The following IMMP2L variants were observed in gnomAD, a reference collection of about 807,000 sequenced individuals.
The protein encoded by IMMP2L is mitochondrial inner membrane protease subunit 2.
Under a neutral mutation model 19.3 loss-of-function variants are expected in IMMP2L, and 18 were observed. The observed-to-expected ratio is 0.93, with a 90% CI of 0.64 to 1.38. IMMP2L has a LOEUF of 1.38. Ranked by LOEUF, IMMP2L falls within the 40% of genes most tolerant of loss-of-function variation. The pLI, the probability that IMMP2L is intolerant of heterozygous loss-of-function variation, is 0.00. For missense variants in IMMP2L, 233 were observed against 218.2 expected (o/e 1.07, Z -0.43); for synonymous variants, 76 against 73.0 (o/e 1.04, Z -0.21).
At chr7:111,069,368 A>G (rs1320562247) in intron 3 of IMMP2L, among the ~76,000 whole-genome samples, 2 of 152,196 alleles carry the variant, frequency 1.3e-5, no homozygotes, top group Admixed American at 1.3e-4. Context: ...ACATTTGGTA[A>G]AATGAGGAAT....
intron 5 of IMMP2L, among the ~76,000 whole-genome samples, chr7:110,832,192 T>C (rs996042127): frequency 1.3e-5 from 2 of 151,806 alleles, no homozygotes; most frequent in African/African-American, 4.8e-5. Flanking sequence ...AACTGGGAGG[T>C]GGAGGTTGCA....
chr7:111,010,746 C>T (rs566314357), intron 3 of IMMP2L, among the ~76,000 whole-genome samples: 1 of 152,178 alleles, frequency 6.6e-6, no homozygotes, highest in South Asian at 2.1e-4. Context: ...AATCAGATAA[C>T]TGAAGCTCAT....
intron 4 of IMMP2L, among the ~76,000 whole-genome samples, chr7:110,903,672 T>C (rs1330726019): frequency 6.6e-6 from 1 of 152,170 alleles, no homozygotes; most frequent in Non-Finnish European, 1.5e-5. Flanking sequence ...GACATCTGGG[T>C]TGTTTCTATA....
At chr7:111,482,250 G>C (rs148522714) in intron 3 of IMMP2L, among the ~76,000 whole-genome samples, 39 of 152,226 alleles carry the variant, frequency 2.6e-4, no homozygotes, top group African/African-American at 9.4e-4. Context: ...CCATGCACTT[G>C]CTGTAAATCT....
chr7:111,451,492 C>T (rs926519773), intron 3 of IMMP2L, among the ~76,000 whole-genome samples: 19 of 139,668 alleles, frequency 1.4e-4, no homozygotes, highest in Admixed American at 1.3e-3. Context: ...TATTCTCACT[C>T]ATAGGTGGGA....
chr7:111,053,080 A>C (rs1478843581), intron 3 of IMMP2L, among the ~76,000 whole-genome samples: 1 of 152,250 alleles, frequency 6.6e-6, no homozygotes, highest in Non-Finnish European at 1.5e-5. Flanking sequence ...ACGCAGAAGC[A>C]GAGACCAAGG....
At chr7:110,775,998 A>G (rs574416648) in intron 5 of IMMP2L, among the ~76,000 whole-genome samples, 30 of 152,054 alleles carry the variant, frequency 2.0e-4, no homozygotes, top group Non-Finnish European at 4.0e-4. Flanking sequence ...CTTATTGAGG[A>G]AGGAACTTAT....
chr7:111,487,091 C>A (rs575229102), intron 3 of IMMP2L, 147 bp downstream of exon 3: 10 of 436,294 alleles, frequency 2.3e-5, no homozygotes, highest in African/African-American at 1.6e-4. Flanking sequence ...TGTTACACTG[C>A]AAAATTGATT....
chr7:110,783,098 T>A (rs991738510), intron 5 of IMMP2L, among the ~76,000 whole-genome samples: 1 of 151,816 alleles, frequency 6.6e-6, no homozygotes, highest in Admixed American at 6.6e-5. Context: ...TCGAGGTGTA[T>A]AATGTTAACA....
chr7:111,408,639 T>C (rs915811728), intron 3 of IMMP2L, among the ~76,000 whole-genome samples: 1 of 151,806 alleles, frequency 6.6e-6, no homozygotes, highest in Non-Finnish European at 1.5e-5. Context: ...AAATTTCACA[T>C]GGCAGTAAGC....
At chr7:110,903,411 AT>A (rs1812115865) in intron 4 of IMMP2L, among the ~76,000 whole-genome samples, 2 of 151,906 alleles carry the variant, frequency 1.3e-5, no homozygotes, top group Admixed American at 1.3e-4. Context: ...GTAACTCTTC[AT>A]TTTCCCCTCT....
chr7:110,762,180 A>T (rs1038398919), intron 5 of IMMP2L, among the ~76,000 whole-genome samples: 4 of 152,140 alleles, frequency 2.6e-5, no homozygotes, highest in African/African-American at 4.8e-5. Flanking sequence ...TTTCTCCCAA[A>T]AGTTATATAA....
At chr7:110,756,484 C>A (rs936237663) in intron 5 of IMMP2L, among the ~76,000 whole-genome samples, 3 of 151,982 alleles carry the variant, frequency 2.0e-5, no homozygotes, top group African/African-American at 4.8e-5. Flanking sequence ...AGTGTTTGTG[C>A]CTCAGCTGCT....
At chr7:110,957,833 C>T (rs1218670254) in intron 4 of IMMP2L, among the ~76,000 whole-genome samples, 2 of 151,984 alleles carry the variant, frequency 1.3e-5, no homozygotes, top group East Asian at 1.9e-4. Flanking sequence ...GAACATCCTA[C>T]AGCCCCAGAC....
intron 3 of IMMP2L, among the ~76,000 whole-genome samples, chr7:111,412,898 G>A (rs765219519): frequency 1.1e-4 from 16 of 151,430 alleles, no homozygotes; most frequent in Non-Finnish European, 2.2e-4. Flanking sequence ...AAAGTACATA[G>A]AAGGGAAGAA....
chr7:111,300,780 A>G (rs1822134406), intron 3 of IMMP2L, among the ~76,000 whole-genome samples: 1 of 152,158 alleles, frequency 6.6e-6, no homozygotes, highest in African/African-American at 2.4e-5. Flanking sequence ...CATGTATCAT[A>G]CCTTTCCATT....
chr7:111,528,669 T>G (rs530434450), intron 1 of IMMP2L, among the ~76,000 whole-genome samples: 91 of 152,290 alleles, frequency 6.0e-4, no homozygotes, highest in Middle Eastern at 3.4e-3. Context: ...ATATTTTAGC[T>G]TGTACAAAGT....
chr7:111,506,829 G>T (rs548905312), intron 2 of IMMP2L, among the ~76,000 whole-genome samples: 2 of 152,020 alleles, frequency 1.3e-5, no homozygotes, highest in African/African-American at 2.4e-5. Flanking sequence ...TCTTTCTGAG[G>T]TTTTTTTTGT....
chr7:111,169,261 A>G (rs1806173424), intron 3 of IMMP2L, among the ~76,000 whole-genome samples: 1 of 151,828 alleles, frequency 6.6e-6, no homozygotes, highest in African/African-American at 2.4e-5. Flanking sequence ...TTACCTCTTG[A>G]TCCCAATTCC....
Sources: gnomAD v4.1 joint callset for allele counts (sites outside exome capture counted in the v4.1 genomes callset) on GRCh38, gnomAD v4.1.1 for gene constraint, MANE v1.5 for transcripts, NCBI Gene and HGNC (gene_info 2026-07-23, HGNC 2026-07-21) for gene names.